The following CCDC60 variants were observed in gnomAD, a reference collection of about 807,000 sequenced individuals.
CCDC60 encodes coiled-coil domain containing 60, also known as coiled-coil domain-containing protein 60.
Under a neutral mutation model 63.5 loss-of-function variants are expected in CCDC60, and 54 were observed. That is an observed-to-expected ratio of 0.85 (90% CI 0.68 to 1.07). The LOEUF (loss-of-function observed/expected upper bound fraction) is 1.07. Among genes scored for constraint, CCDC60 ranks in the 50% least tolerant of loss-of-function variants. The pLI, the probability that CCDC60 is intolerant of heterozygous loss-of-function variation, is 0.00. For synonymous variants in CCDC60, 206 were observed against 238.8 expected, an observed-to-expected ratio of 0.86 and a Z score of 1.27; for missense variants, 651 against 684.3, an observed-to-expected ratio of 0.95 and a Z score of 0.54.
intron 2 of CCDC60, among the ~76,000 whole-genome samples, chr12:119,448,268 C>T (rs1851065154): frequency 6.6e-6 from 1 of 151,770 alleles, no homozygotes; most frequent in African/African-American, 2.4e-5. Flanking sequence ...CATATGAAAT[C>T]GTCAAGTGGT....
chr12:119,417,977 TTTCAGTCAC>T (rs1370191174), intron 1 of CCDC60, among the ~76,000 whole-genome samples: 5 of 152,050 alleles, frequency 3.3e-5, no homozygotes, highest in Admixed American at 3.3e-4. Context: ...GAAACTGGGG[TTTCAGTCAC>T]TTCATATTTT....
chr12:119,394,891 G>A (rs1956223202), intron 1 of CCDC60, among the ~76,000 whole-genome samples: 1 of 152,202 alleles, frequency 6.6e-6, no homozygotes, highest in Non-Finnish European at 1.5e-5. Flanking sequence ...CAAGAAAAGA[G>A]ACTTGATCAA....
intron 13 of CCDC60, among the ~76,000 whole-genome samples, chr12:119,539,250 G>A (rs576686933): frequency 5.9e-5 from 9 of 152,344 alleles, no homozygotes; most frequent in African/African-American, 1.7e-4. Flanking sequence ...CTTCAGAGCC[G>A]GCAGGCAGGA....
At chr12:119,428,470 A>AG (rs1214623851) in intron 1 of CCDC60, among the ~76,000 whole-genome samples, 1 of 152,272 alleles carries the variant, frequency 6.6e-6, no homozygotes, top group African/African-American at 2.4e-5. Context: ...AACCAGGGTC[A>AG]GGGCTCAGGT....
rs182362250 is a variant in CCDC60, at chr12:119,428,926, C to T, written c.170+164C>T. On this transcript the variant is annotated intron_variant, in intron 2 of 13. Transcript: ENST00000327554. ...CCCTGGGAGGAGCAGAGGGCAGGAT[C>T]GCTTTCTCAGCTGGACTTTCCAGGG... The T allele has an allele frequency of 1.5e-3, 769 of 512,732 alleles. 9 individuals are homozygous for T. The highest frequency in any genetic ancestry group is 2.3e-4 in the Non-Finnish European group (67 of 287,028). The allele number at this position is 512,732 out of a possible 1,614,324, so 31.8% of individuals were successfully genotyped here.
Position 119,465,558 on chromosome 12 carries a change from G to C in CCDC60, c.171-6436G>C, listed in dbSNP as rs558980174. ...GGATCACCTCAGGTCAGAAGTTCAAGACCAGCCTTGATAACATGGTGAAAC... is the reference window on the plus strand; with the variant it reads ...GGATCACCTCAGGTCAGAAGTTCAACACCAGCCTTGATAACATGGTGAAAC... On this transcript the variant is annotated intron_variant, in intron 2 of 13. Transcript: ENST00000327554. 3.3e-5 allele frequency among the ~76,000 whole-genome samples: 5 copies of C among 152,150 alleles called. No individual in the cohort carries two copies. In the East Asian group the frequency reaches 9.7e-4, roughly 29 times the overall value.
At chr12:119,427,929 G>A (rs944174268) in intron 1 of CCDC60, among the ~76,000 whole-genome samples, 3 of 152,126 alleles carry the variant, frequency 2.0e-5, no homozygotes, top group Non-Finnish European at 2.9e-5. Context: ...CGAGGAGCTC[G>A]AGGCTGCAGT....
Position 119,505,226 on chromosome 12 carries a change from C to T in CCDC60, c.806C>T (p.Thr269Ile), listed in dbSNP as rs1255266687. ...TCGGATGAGCCCCCAAGTGTGAACA[C>T]CCAGGTGACCAGCAGCAAGGACATT... Reference protein sequence around the residue: ...PGSDEPPSVNTQVTSSKDIED... With the variant: ...PGSDEPPSVNIQVTSSKDIED... The change falls in exon 7 of 14, where the codon ACC becomes ATC. Residue 269 changes from threonine to isoleucine, a missense_variant. Coordinates refer to ENST00000327554, the MANE Select transcript of CCDC60 (RefSeq NM_178499.5). 6.2e-7 allele frequency: 1 copy of T among 1,613,928 alleles called. No individual in the cohort carries two copies. Among genetic ancestry groups the T allele is most frequent in the Non-Finnish European group, 8.5e-7 (1 of 1,180,046 alleles).
At chr12:119,434,201 G>T (rs1175697349) in intron 2 of CCDC60, among the ~76,000 whole-genome samples, 1 of 152,184 alleles carries the variant, frequency 6.6e-6, no homozygotes, top group Non-Finnish European at 1.5e-5. Flanking sequence ...TTGCTTTCCA[G>T]CTGTGTTTGG....
intron 3 of CCDC60, among the ~76,000 whole-genome samples, chr12:119,473,149 C>T (rs1951100589): frequency 6.6e-6 from 1 of 152,164 alleles, no homozygotes; most frequent in Non-Finnish European, 1.5e-5. Flanking sequence ...TAGAAAGCAG[C>T]TCTGAGTCCC....
chr12:119,515,041 T>C (rs1952318807), intron 7 of CCDC60, among the ~76,000 whole-genome samples: 1 of 152,232 alleles, frequency 6.6e-6, no homozygotes, highest in East Asian at 1.9e-4. Flanking sequence ...TAGTAAGCTA[T>C]GCCCAGGTGT....
intron 2 of CCDC60, among the ~76,000 whole-genome samples, chr12:119,429,149 A>G (rs1259004695): frequency 6.6e-6 from 1 of 152,078 alleles, no homozygotes; most frequent in African/African-American, 2.4e-5. Context: ...ATGCTGGAGG[A>G]GTTATTTAAA....
intron 1 of CCDC60, among the ~76,000 whole-genome samples, chr12:119,372,484 G>A (rs1357636057): frequency 6.6e-6 from 1 of 152,126 alleles, no homozygotes; most frequent in Non-Finnish European, 1.5e-5. Context: ...TGGCTTCCAG[G>A]GTCCCAGGGT....
intron 9 of CCDC60, among the ~76,000 whole-genome samples, chr12:119,522,213 C>A (rs1389548582): frequency 6.6e-6 from 1 of 152,208 alleles, no homozygotes; most frequent in African/African-American, 2.4e-5. Context: ...AGAGAAGGTG[C>A]TAGACAATGG....
intron 2 of CCDC60, among the ~76,000 whole-genome samples, chr12:119,467,120 C>G (rs1950967287): frequency 6.6e-6 from 1 of 152,242 alleles, no homozygotes; most frequent in African/African-American, 2.4e-5. Flanking sequence ...GCTCTCAGCA[C>G]ACTGCCTGTG....
chr12:119,422,621 G>A (rs1248653003), intron 1 of CCDC60, among the ~76,000 whole-genome samples: 16 of 152,122 alleles, frequency 1.1e-4, no homozygotes, highest in African/African-American at 3.4e-4. Context: ...CAGCACCAAG[G>A]GGGCATGGTG....
chr12:119,377,872 G>A (rs753475849), intron 1 of CCDC60, among the ~76,000 whole-genome samples: 50 of 152,144 alleles, frequency 3.3e-4, no homozygotes, highest in Non-Finnish European at 3.4e-4. Context: ...GTAAATACTC[G>A]AGGTTTGCTG....
chr12:119,385,458 C>G (rs766206476), intron 1 of CCDC60, among the ~76,000 whole-genome samples: 1 of 152,292 alleles, frequency 6.6e-6, no homozygotes, highest in East Asian at 1.9e-4. Context: ...ATAAGTCTCA[C>G]GAGATCTGAT....
chr12:119,423,772 A>T, intron 1 of CCDC60, among the ~76,000 whole-genome samples: 1 of 151,180 alleles, frequency 6.6e-6, no homozygotes, highest in South Asian at 2.1e-4. Flanking sequence ...CTTTGTAACC[A>T]CTCCCCTGTA....
Sources: allele counts gnomAD v4.1 joint callset (sites outside exome capture counted in the v4.1 genomes callset), GRCh38; gene constraint gnomAD v4.1.1; transcripts MANE v1.5; gene names NCBI Gene and HGNC (gene_info 2026-07-23, HGNC 2026-07-21).